Variants in PCDHA3 observed in about 807,000 individuals in gnomAD.
PCDHA3 encodes the protein protocadherin alpha 3.
PCDHA3 carries 41 observed loss-of-function variants against 62.2 expected under a neutral mutation model. The observed-to-expected ratio is 0.66, with a 90% CI of 0.51 to 0.86. The LOEUF is 0.86. Among genes scored for constraint, PCDHA3 ranks in the 40% least tolerant of loss-of-function variants. PCDHA3 has a pLI of 0.00. For synonymous variants in PCDHA3, 640 were observed against 555.4 expected (o/e 1.15, Z -2.14); for missense variants, 1,304 against 1,241.2 (o/e 1.05, Z -0.76).
chr5:140,816,123 A>G (rs1424717424), intron 1 of PCDHA3: 2 of 152,126 alleles, frequency 1.3e-5, no homozygotes, highest in Non-Finnish European at 2.9e-5. Context: ...CTTCTTTTGA[A>G]ACTGTCATAA....
At chr5:140,843,690 A>G (rs2150365181) in intron 1 of PCDHA3, 2 of 1,587,072 alleles carry the variant, frequency 1.3e-6, no homozygotes, top group Admixed American at 3.4e-5. Context: ...GAAGAGCAAG[A>G]TTTAAATGTT....
intron 1 of PCDHA3, among the ~76,000 whole-genome samples, chr5:140,964,473 T>C (rs1457345251): frequency 6.6e-6 from 1 of 152,068 alleles, no homozygotes; most frequent in Non-Finnish European, 1.5e-5. Flanking sequence ...TGCCTATGAT[T>C]TTTTCACAGT....
chr5:140,841,310 C>T, intron 1 of PCDHA3: 1 of 1,550,948 alleles, frequency 6.4e-7, no homozygotes, highest in South Asian at 1.2e-5. Context: ...TGATAGGAAA[C>T]GACTATTTAA....
At chr5:140,927,130 C>T (rs1554204065) in intron 1 of PCDHA3, 6 of 1,614,032 alleles carry the variant, frequency 3.7e-6, no homozygotes, top group African/African-American at 1.3e-5. Flanking sequence ...GGTCAGAGAG[C>T]CGGCGGACCG....
rs140697336 is a variant in PCDHA3 at position 140,835,530 on chromosome 5, G to C, written c.2394+31939G>C. On this transcript the variant is annotated intron_variant, in intron 1 of 3. Transcript: ENST00000522353. ...GTTTGACCGAGATTTTGGAGTCAAC[G>C]GACAGGTTACCTGCTCCCTGACGCC... 1.3e-4 allele frequency: 204 copies of C among 1,613,820 alleles called. 2 individuals carry two copies. The highest frequency in any genetic ancestry group is 2.2e-4 in the Admixed American group (13 of 59,990).
chr5:140,821,944 G>A, intron 1 of PCDHA3: 2 of 1,614,180 alleles, frequency 1.2e-6, no homozygotes, highest in South Asian at 1.1e-5. Flanking sequence ...GGAGCTGGCG[G>A]AGCTGGTGCC....
intron 1 of PCDHA3, among the ~76,000 whole-genome samples, chr5:140,923,593 A>G (rs2081438423): frequency 6.6e-6 from 1 of 152,246 alleles, no homozygotes. Flanking sequence ...TTGTTAATTC[A>G]TAATTTTAAT....
Position 140,801,744 on chromosome 5 carries a change from A to G in PCDHA3, c.547A>G (p.Lys183Glu). Reference protein sequence around the residue: ...DSTEYFTLDVKRNDEEIKSLG... With the variant: ...DSTEYFTLDVERNDEEIKSLG... ...CACTGAATATTTTACCTTGGACGTT[A>G]AAAGAAATGATGAGGAAATTAAATC... Residue 183 changes from lysine to glutamate, a missense_variant, in exon 1 of 4, where the codon AAA becomes GAA. Lys to Glu is a moderately conservative substitution (Grantham distance 56). Coordinates refer to ENST00000522353, the MANE Select transcript of PCDHA3 (RefSeq NM_018906.3). The G allele has an allele frequency of 6.2e-7, 1 of 1,614,076 alleles. No individual in the cohort carries two copies. Among genetic ancestry groups the G allele is most frequent in the Non-Finnish European group, 8.5e-7 (1 of 1,180,018 alleles).
At chr5:140,998,721 C>T (rs987484967) in intron 3 of PCDHA3, among the ~76,000 whole-genome samples, 3 of 152,084 alleles carry the variant, frequency 2.0e-5, no homozygotes, top group Non-Finnish European at 2.9e-5. Context: ...TGCACCACCA[C>T]GCTAGGCTAA....
At chr5:140,875,130 C>T (rs2055283720) in intron 1 of PCDHA3, among the ~76,000 whole-genome samples, 1 of 151,894 alleles carries the variant, frequency 6.6e-6, no homozygotes, top group Admixed American at 6.6e-5. Context: ...TAACTAAACC[C>T]GCATTTATAA....
chr5:140,926,825 G>T (rs937740656), intron 1 of PCDHA3: 2 of 1,499,696 alleles, frequency 1.3e-6, no homozygotes, highest in Admixed American at 4.7e-5. Flanking sequence ...CTCTCCAGGA[G>T]TCCGGAGCAT....
rs1762813988 is a variant in PCDHA3 at position 140,801,926 on chromosome 5, G to C, written c.729G>C (p.Glu243Asp). 1 of 1,614,218 alleles carries C rather than the reference G, an allele frequency of 6.2e-7. No homozygotes were observed. The highest frequency in any genetic ancestry group is 1.3e-5 in the African/African-American group (1 of 75,074). ...TAAACGACAACGCCCCAGCGTTTGA[G>C]AGGACGATCTATAAAGTCAGATTAC... ...LDVNDNAPAFERTIYKVRLLE... is the reference protein window; with the variant it reads ...LDVNDNAPAFDRTIYKVRLLE... Residue 243 changes from glutamate to aspartate, a missense_variant, in exon 1 of 4, where the codon GAG becomes GAC. Coordinates refer to ENST00000522353, the MANE Select transcript of PCDHA3 (RefSeq NM_018906.3).
chr5:140,856,008 G>A, intron 1 of PCDHA3: 1 of 1,542,308 alleles, frequency 6.5e-7, no homozygotes, highest in Middle Eastern at 1.7e-4. Flanking sequence ...GTGCGTTCTA[G>A]ACCGCTGATT....
chr5:140,892,054 T>G (rs1409591142), intron 1 of PCDHA3, among the ~76,000 whole-genome samples: 4 of 152,244 alleles, frequency 2.6e-5, no homozygotes, highest in African/African-American at 7.2e-5. Flanking sequence ...TTTTTCAAAT[T>G]TATTGTTACT....
In PCDHA3 at chr5:140,870,085, C is replaced by G. The variant is rs200687541; in HGVS notation, c.2394+66494C>G. The stretch of plus-strand genomic sequence containing the variant: ...ACAGGCTACAGATAAGGGGACTCCC[C>G]CAATGGCAGGTCACTGTACAGTCTG... On this transcript the variant is annotated intron_variant, in intron 1 of 3. Coordinates refer to ENST00000522353, the MANE Select transcript of PCDHA3 (RefSeq NM_018906.3). 11 of 1,613,744 alleles carry G rather than the reference C, an allele frequency of 6.8e-6. No individual in the cohort carries two copies. The African/African-American group carries it at 1.3e-4, about 20-fold the overall frequency.
Position 140,971,209 on chromosome 5 carries a change from C to A in PCDHA3, c.2395-7740C>A, listed in dbSNP as rs147218200. 2.2e-3 allele frequency among the ~76,000 whole-genome samples: 328 copies of A among 152,236 alleles called. 3 individuals are homozygous for A. Among genetic ancestry groups the A allele is most frequent in the African/African-American group, 7.7e-3 (319 of 41,534 alleles). Reference sequence around the variant, plus strand: ...AAGCTCAGAGGAAAGACACTGTTACCCTCCCTCTCCTGACTCAAAGCTTGG... The same window carrying A: ...AAGCTCAGAGGAAAGACACTGTTACACTCCCTCTCCTGACTCAAAGCTTGG... On this transcript the variant is annotated intron_variant, in intron 1 of 3. Coordinates refer to ENST00000522353, the MANE Select transcript of PCDHA3 (RefSeq NM_018906.3).
At chr5:140,823,535 G>A (rs2150126738) in intron 1 of PCDHA3, 13 of 1,613,680 alleles carry the variant, frequency 8.1e-6, no homozygotes, top group African/African-American at 2.7e-5. Flanking sequence ...GTGGGTGCGG[G>A]CCACGTGGTG....
intron 3 of PCDHA3, among the ~76,000 whole-genome samples, chr5:140,992,705 T>C (rs1291266922): frequency 6.6e-6 from 1 of 152,188 alleles, no homozygotes; most frequent in African/African-American, 2.4e-5. Flanking sequence ...GTAATGTTCC[T>C]GCCAGTATTC....
At chr5:140,887,704 C>A (rs1554183178) in intron 1 of PCDHA3, among the ~76,000 whole-genome samples, 1 of 152,104 alleles carries the variant, frequency 6.6e-6, no homozygotes, top group East Asian at 1.9e-4. Context: ...ATCAACCATA[C>A]TTCTTCTAAT....
Sources: allele counts gnomAD v4.1 joint callset (sites outside exome capture counted in the v4.1 genomes callset), GRCh38; gene constraint gnomAD v4.1.1; transcripts MANE v1.5; gene names NCBI Gene and HGNC (gene_info 2026-07-23, HGNC 2026-07-21).